The following APBA2 variants were observed in gnomAD, a reference collection of about 807,000 sequenced individuals.
APBA2 encodes the protein amyloid beta precursor protein binding family A member 2.
APBA2 carries 30 observed loss-of-function variants against 75.0 expected under a neutral mutation model. The ratio of observed to expected loss-of-function variants is 0.40; its 90% CI spans 0.30 to 0.54. The LOEUF (loss-of-function observed/expected upper bound fraction) is 0.54. Among genes scored for constraint, APBA2 ranks in the 20% least tolerant of loss-of-function variants. APBA2 has a pLI of 0.49. For synonymous variants in APBA2, 444 were observed against 409.6 expected, an observed-to-expected ratio of 1.08 and a Z score of -1.01; for missense variants, 801 against 1,016.1, an observed-to-expected ratio of 0.79 and a Z score of 2.88.
At chr15:28,966,914 A>T (rs2036768937) in intron 2 of APBA2, among the ~76,000 whole-genome samples, 1 of 152,086 alleles carries the variant, frequency 6.6e-6, no homozygotes, top group African/African-American at 2.4e-5. Context: ...CTTTACCCTC[A>T]CTACTTTTTA....
rs150763187 is a variant in APBA2, at chr15:28,897,040, C to T, written c.-205+10762C>T. 1.8e-4 allele frequency among the ~76,000 whole-genome samples: 27 copies of T among 152,248 alleles called. No homozygotes were observed. In the East Asian group the frequency reaches 2.3e-3, roughly 13 times the overall value. On this transcript the variant is annotated intron_variant, in intron 1 of 14. Coordinates refer to ENST00000683413, the MANE Select transcript of APBA2 (RefSeq NM_001353788.2). Reference sequence around the variant, plus strand: ...TGGACACAACTGGACCTCACATCTCCGGCCCTGACACCAGAAACTAGGCCT... The same window carrying T: ...TGGACACAACTGGACCTCACATCTCTGGCCCTGACACCAGAAACTAGGCCT...
intron 4 of APBA2, among the ~76,000 whole-genome samples, chr15:29,062,774 G>C (rs1444993652): frequency 6.6e-6 from 1 of 152,220 alleles, no homozygotes; most frequent in African/African-American, 2.4e-5. Flanking sequence ...AGAAAGCAGA[G>C]TGCGGTGGTT....
intron 3 of APBA2, among the ~76,000 whole-genome samples, chr15:29,021,594 T>C (rs574146506): frequency 4.6e-5 from 7 of 152,270 alleles, no homozygotes; most frequent in African/African-American, 1.7e-4. Flanking sequence ...AACAGATCCA[T>C]CACCTGCTCA....
intron 1 of APBA2, among the ~76,000 whole-genome samples, chr15:28,909,190 C>G (rs1279206221): frequency 6.6e-6 from 1 of 151,858 alleles, no homozygotes; most frequent in Non-Finnish European, 1.5e-5. Flanking sequence ...TGGGGTTTCA[C>G]CGTGTTAGCC....
intron 1 of APBA2, among the ~76,000 whole-genome samples, chr15:28,908,658 C>T (rs1162690560): frequency 1.3e-5 from 2 of 152,152 alleles, no homozygotes; most frequent in Admixed American, 6.5e-5. Flanking sequence ...TGGGATACCT[C>T]AGGCTCCTGG....
chr15:29,056,156 T>TTAGAGCGTGGTGGGGAG (rs2041876559), intron 4 of APBA2, among the ~76,000 whole-genome samples: 1 of 152,204 alleles, frequency 6.6e-6, no homozygotes, highest in Non-Finnish European at 1.5e-5. Context: ...AAGATTATCT[T>TTAGAGCGTGGTGGGGAG]TAGAGCGTGG....
chr15:28,958,551 A>G (rs2152733711), intron 2 of APBA2, among the ~76,000 whole-genome samples: 1 of 152,366 alleles, frequency 6.6e-6, no homozygotes, highest in East Asian at 1.9e-4. Context: ...CTCTTGCTGA[A>G]GAGTTCATTA....
At chr15:28,891,908 G>A (rs1463090369) in intron 1 of APBA2, among the ~76,000 whole-genome samples, 4 of 152,182 alleles carry the variant, frequency 2.6e-5, no homozygotes, top group Non-Finnish European at 4.4e-5. Flanking sequence ...TTGTCGTAAA[G>A]TTGTAGTGCA....
intron 2 of APBA2, among the ~76,000 whole-genome samples, chr15:28,937,165 A>C (rs2034924451): frequency 6.6e-6 from 1 of 151,724 alleles, no homozygotes; most frequent in South Asian, 2.1e-4. Context: ...ACCCCTCTAT[A>C]CCGGGGACAG....
chr15:28,962,654 C>T (rs1384384676), intron 2 of APBA2, among the ~76,000 whole-genome samples: 5 of 152,074 alleles, frequency 3.3e-5, no homozygotes, highest in African/African-American at 1.2e-4. Context: ...CTCAAGCCAT[C>T]TGCCCACCTC....
rs989601839 is a variant in APBA2 at position 29,098,979 on chromosome 15, C to T, written c.1338+403C>T. ...ACATACCCTGATACGGGCACAGGGGCGCCCTTCCTCATCCCATGTCTGTCC... is the reference window on the plus strand; with the variant it reads ...ACATACCCTGATACGGGCACAGGGGTGCCCTTCCTCATCCCATGTCTGTCC... On this transcript the variant is annotated intron_variant, in intron 9 of 14. Coordinates refer to ENST00000683413, the MANE Select transcript of APBA2 (RefSeq NM_001353788.2). Among the ~76,000 whole-genome samples the T allele has an allele frequency of 4.6e-5, 7 of 152,258 alleles. No individual in the cohort carries two copies. The East Asian group carries it at 5.8e-4, about 13-fold the overall frequency.
At chr15:29,069,659 T>C (rs2042532690) in intron 4 of APBA2, among the ~76,000 whole-genome samples, 1 of 152,184 alleles carries the variant, frequency 6.6e-6, no homozygotes, top group East Asian at 1.9e-4. Flanking sequence ...GCTGGCAGGA[T>C]CACTGGGTTC....
At chr15:29,084,791 G>T (rs1021450961) in intron 6 of APBA2, among the ~76,000 whole-genome samples, 2 of 152,152 alleles carry the variant, frequency 1.3e-5, no homozygotes, top group Admixed American at 6.5e-5. Flanking sequence ...TATTGTGGAA[G>T]AATCTGTCAT....
intron 1 of APBA2, among the ~76,000 whole-genome samples, chr15:28,898,293 A>G (rs879432069): frequency 5.9e-5 from 9 of 152,252 alleles, no homozygotes; most frequent in South Asian, 2.1e-4. Context: ...AAAAGTGTCC[A>G]TAGCAGCGTG....
chr15:28,957,446 A>AT (rs1157420613), intron 2 of APBA2, among the ~76,000 whole-genome samples: 1 of 152,116 alleles, frequency 6.6e-6, no homozygotes, highest in Admixed American at 6.5e-5. Context: ...TCATATGGTG[A>AT]TTCTATTTTT....
At chr15:28,924,841 T>C (rs1379908947) in intron 2 of APBA2, among the ~76,000 whole-genome samples, 1 of 152,172 alleles carries the variant, frequency 6.6e-6, no homozygotes, top group African/African-American at 2.4e-5. Context: ...CCAAACTGTT[T>C]TCCACCACAG....
chr15:28,966,243 T>A (rs1257971859), intron 2 of APBA2, among the ~76,000 whole-genome samples: 2 of 152,170 alleles, frequency 1.3e-5, no homozygotes, highest in Non-Finnish European at 2.9e-5. Context: ...CACTTCTGTA[T>A]CTTTGCTGAT....
intron 2 of APBA2, among the ~76,000 whole-genome samples, chr15:28,965,314 C>T (rs2036683624): frequency 6.6e-6 from 1 of 152,170 alleles, no homozygotes; most frequent in African/African-American, 2.4e-5. Context: ...GGGCTCTCTA[C>T]TCCATTCCAT....
At chr15:28,910,668 G>A (rs2033388020) in intron 1 of APBA2, among the ~76,000 whole-genome samples, 1 of 152,164 alleles carries the variant, frequency 6.6e-6, no homozygotes, top group African/African-American at 2.4e-5. Context: ...TTGTCCTTTT[G>A]TACCACAGCA....
Sources: allele counts gnomAD v4.1 joint callset (sites outside exome capture counted in the v4.1 genomes callset), GRCh38; gene constraint gnomAD v4.1.1; transcripts MANE v1.5; gene names NCBI Gene and HGNC (gene_info 2026-07-23, HGNC 2026-07-21).